Variants in NBAS observed in about 807,000 individuals in gnomAD.
NBAS encodes the protein NBAS subunit of NRZ tethering complex.
In NBAS, 219 loss-of-function variants were observed where a neutral mutation model predicts 302.5. The ratio of observed to expected loss-of-function variants is 0.72; its 90% confidence interval spans 0.65 to 0.81. The LOEUF is 0.81. Ranked by LOEUF, NBAS falls within the 30% of genes least tolerant of loss-of-function variation. The pLI is 0.00. For missense variants in NBAS, 2,932 were observed against 2,841.6 expected (o/e 1.03, Z -0.72); for synonymous variants, 1,118 against 1,021.6 (o/e 1.09, Z -1.80).
intron 22 of NBAS, among the ~76,000 whole-genome samples, chr2:15,427,213 G>A (rs1215391849): frequency 6.6e-6 from 1 of 152,092 alleles, no homozygotes; most frequent in Non-Finnish European, 1.5e-5. Context: ...AAGAGACAGT[G>A]AAGGAGTATT....
At chr2:15,175,126 C>T (rs1161894976) in intron 51 of NBAS, among the ~76,000 whole-genome samples, 1 of 152,160 alleles carries the variant, frequency 6.6e-6, no homozygotes, top group African/African-American at 2.4e-5. Context: ...ACCACCACAA[C>T]TGGCTAATTT....
At chr2:14,892,787 T>C in the NBAS span, among the ~76,000 whole-genome samples, 5,784 of 152,272 alleles carry the variant, frequency 0.038, 140 homozygotes, top group Non-Finnish European at 0.051. Flanking sequence ...TGTCATAGTG[T>C]ATTACTTTTT....
chr2:14,798,889 A>G, the NBAS span, among the ~76,000 whole-genome samples: 1 of 152,058 alleles, frequency 6.6e-6, no homozygotes, highest in Admixed American at 6.5e-5. Context: ...TCATTTTAAG[A>G]TCTGTAGAAT....
chr2:15,550,552 C>T (rs1376812301), intron 6 of NBAS, among the ~76,000 whole-genome samples: 1 of 151,810 alleles, frequency 6.6e-6, no homozygotes, highest in African/African-American at 2.4e-5. Flanking sequence ...CTAATACCAC[C>T]CTTTTTTTCT....
At chr2:15,548,310 C>T (rs573161906) in intron 6 of NBAS, among the ~76,000 whole-genome samples, 4 of 151,920 alleles carry the variant, frequency 2.6e-5, no homozygotes, top group Non-Finnish European at 5.9e-5. Context: ...AAATAATTTA[C>T]AATCTAATTG....
chr2:15,372,592 A>G (rs116399989), intron 31 of NBAS, among the ~76,000 whole-genome samples: 1 of 152,382 alleles, frequency 6.6e-6, no homozygotes, highest in African/African-American at 2.4e-5. Context: ...AAACACAACA[A>G]AAAGTATACA....
intron 47 of NBAS, among the ~76,000 whole-genome samples, chr2:15,219,872 A>AG (rs1307446682): frequency 6.9e-6 from 1 of 144,018 alleles, no homozygotes; most frequent in South Asian, 2.2e-4. Context: ...GGCCGGGCAG[A>AG]GGGGCTCCTC....
At chr2:14,901,284 A>G in the NBAS span, among the ~76,000 whole-genome samples, 1 of 152,228 alleles carries the variant, frequency 6.6e-6, no homozygotes, top group African/African-American at 2.4e-5. Context: ...TTCCAACCAG[A>G]CTGGGTAAAA....
intron 51 of NBAS, among the ~76,000 whole-genome samples, chr2:15,170,775 C>T (rs1330697270): frequency 6.6e-6 from 1 of 152,136 alleles, no homozygotes; most frequent in Non-Finnish European, 1.5e-5. Context: ...AAGAGATGGC[C>T]TTTGTAATGA....
chr2:14,882,824 T>G, the NBAS span, among the ~76,000 whole-genome samples: 1 of 152,170 alleles, frequency 6.6e-6, no homozygotes, highest in Non-Finnish European at 1.5e-5. Context: ...AGGAGCCTGA[T>G]AGGTTTTTGT....
intron 11 of NBAS, among the ~76,000 whole-genome samples, 177 bp from the exon 12 acceptor site, chr2:15,489,199 T>C (rs1379186634): frequency 6.6e-6 from 1 of 152,176 alleles, no homozygotes; most frequent in African/African-American, 2.4e-5. Context: ...CTCCTGACCT[T>C]AAGGAGTTTG....
At chr2:15,006,519 A>C in the NBAS span, among the ~76,000 whole-genome samples, 42 of 152,218 alleles carry the variant, frequency 2.8e-4, no homozygotes, top group Non-Finnish European at 2.6e-4. Context: ...ATATGATTAC[A>C]ACTATGCTTT....
chr2:15,264,884 G>A, intron 44 of NBAS, among the ~76,000 whole-genome samples: 1 of 152,290 alleles, frequency 6.6e-6, no homozygotes, highest in East Asian at 1.9e-4. Flanking sequence ...CAATTCGAGT[G>A]CAGCCTGAGT....
At chr2:15,387,475 T>C (rs1292188078) in intron 28 of NBAS, among the ~76,000 whole-genome samples, 2 of 152,170 alleles carry the variant, frequency 1.3e-5, no homozygotes, top group Non-Finnish European at 2.9e-5. Flanking sequence ...GATGACAATA[T>C]AGAAAGAGAC....
intron 48 of NBAS, 121 bp from the exon 49 acceptor site, chr2:15,190,524 AAC>A (rs1665302020): frequency 1.7e-6 from 2 of 1,203,050 alleles, no homozygotes; most frequent in Non-Finnish European, 2.3e-6. Flanking sequence ...GTTAAGATTC[AAC>A]ATCAGAAAAA....
chr2:15,305,689 C>A (rs1439686896), intron 40 of NBAS, among the ~76,000 whole-genome samples: 1 of 152,120 alleles, frequency 6.6e-6, no homozygotes, highest in African/African-American at 2.4e-5. Flanking sequence ...TCAAGTGATC[C>A]ACCTGCCTCG....
At chr2:15,392,637 C>T (rs144288643) in intron 28 of NBAS, among the ~76,000 whole-genome samples, 127 of 151,930 alleles carry the variant, frequency 8.4e-4, no homozygotes, top group African/African-American at 2.9e-3. Flanking sequence ...ACTAAGTAAA[C>T]GGAAAGACAT....
the NBAS span, among the ~76,000 whole-genome samples, chr2:15,016,171 T>A: frequency 6.6e-6 from 1 of 152,144 alleles, no homozygotes; most frequent in East Asian, 1.9e-4. Context: ...CTCATAATCA[T>A]GGCAGAAGGT....
At chr2:15,499,870 T>C (rs1255974548) in intron 11 of NBAS, among the ~76,000 whole-genome samples, 1 of 152,240 alleles carries the variant, frequency 6.6e-6, no homozygotes, top group Non-Finnish European at 1.5e-5. Context: ...ACCACATGAA[T>C]TGTTAAAATA....
Sources: allele counts gnomAD v4.1 joint callset (sites outside exome capture counted in the v4.1 genomes callset), GRCh38; gene constraint gnomAD v4.1.1; transcripts MANE v1.5; gene names NCBI Gene and HGNC (gene_info 2026-07-23, HGNC 2026-07-21).